Variants in SLC24A2 observed in about 807,000 individuals in gnomAD.
The protein encoded by SLC24A2 is solute carrier family 24 member 2.
A neutral mutation model predicts 62.0 loss-of-function variants in SLC24A2; 36 were observed. That is an observed-to-expected ratio of 0.58 (90% confidence interval 0.44 to 0.77). The LOEUF is 0.77. SLC24A2 is among the 30% of genes least tolerant of loss of function. The pLI, the probability that SLC24A2 is intolerant of heterozygous loss-of-function variation, is 0.00. For synonymous variants in SLC24A2, 358 were observed against 294.0 expected (o/e 1.22, Z -2.23); for missense variants, 846 against 817.9 (o/e 1.03, Z -0.42).
At chr9:20,136,139 A>G in the SLC24A2 span, among the ~76,000 whole-genome samples, 2 of 152,200 alleles carry the variant, frequency 1.3e-5, no homozygotes, top group East Asian at 1.9e-4. Context: ...AGGCAACTCA[A>G]TAACGCTGGT....
At chr9:20,244,317 A>G in the SLC24A2 span, among the ~76,000 whole-genome samples, 1 of 152,248 alleles carries the variant, frequency 6.6e-6, no homozygotes, top group African/African-American at 2.4e-5. Flanking sequence ...CAAGTGAAAA[A>G]TAAGATGCTC....
the SLC24A2 span, among the ~76,000 whole-genome samples, chr9:20,133,624 C>T: frequency 1.3e-5 from 2 of 152,140 alleles, no homozygotes; most frequent in South Asian, 4.1e-4. Flanking sequence ...TTATTCTAAT[C>T]TATCTTCTGA....
the SLC24A2 span, among the ~76,000 whole-genome samples, chr9:20,078,537 T>C: frequency 1.3e-5 from 2 of 152,086 alleles, no homozygotes; most frequent in African/African-American, 2.4e-5. Flanking sequence ...AAACCAGAAA[T>C]AGGCTTCAAT....
chr9:19,653,925 T>C (rs1021842290), intron 2 of SLC24A2, among the ~76,000 whole-genome samples: 1 of 152,184 alleles, frequency 6.6e-6, no homozygotes, highest in Non-Finnish European at 1.5e-5. Flanking sequence ...CTTTTAAAAA[T>C]TGCCTTATTA....
chr9:20,152,668 G>A, the SLC24A2 span, among the ~76,000 whole-genome samples: 1 of 151,812 alleles, frequency 6.6e-6, no homozygotes, highest in African/African-American at 2.4e-5. Context: ...GGACAGCTGT[G>A]TCCAGTTTTG....
intron 2 of SLC24A2, among the ~76,000 whole-genome samples, chr9:19,754,893 A>T (rs757685252): frequency 7.9e-5 from 12 of 152,134 alleles, no homozygotes; most frequent in Admixed American, 3.3e-4. Context: ...ACTGAGACCT[A>T]GCCTGCTCCA....
At chr9:19,609,756 G>A (rs949015542) in intron 4 of SLC24A2, among the ~76,000 whole-genome samples, 3 of 152,152 alleles carry the variant, frequency 2.0e-5, no homozygotes, top group Non-Finnish European at 4.4e-5. Context: ...ATTGGCTTTT[G>A]TGGAAGACAA....
the SLC24A2 span, among the ~76,000 whole-genome samples, chr9:19,864,820 A>T: frequency 6.6e-6 from 1 of 152,128 alleles, no homozygotes; most frequent in African/African-American, 2.4e-5. Context: ...TCAACATAGT[A>T]CTGGAAGTCC....
At chr9:19,850,995 A>ACATATG in the SLC24A2 span, among the ~76,000 whole-genome samples, 1 of 46,514 alleles carries the variant, frequency 2.1e-5, no homozygotes, top group African/African-American at 7.3e-5. Flanking sequence ...GTATATATAT[A>ACATATG]TATATACACA....
intron 2 of SLC24A2, among the ~76,000 whole-genome samples, chr9:19,720,221 AATTT>A (rs1251748506): frequency 6.6e-6 from 1 of 152,148 alleles, no homozygotes; most frequent in African/African-American, 2.4e-5. Context: ...TTAAATTTGT[AATTT>A]ATTATTATCT....
chr9:19,761,252 T>C (rs1285198893), intron 2 of SLC24A2, among the ~76,000 whole-genome samples: 5 of 152,034 alleles, frequency 3.3e-5, no homozygotes, highest in Non-Finnish European at 4.4e-5. Flanking sequence ...TCTACAATGG[T>C]TGAACTAATT....
chr9:20,290,244 G>A, the SLC24A2 span, among the ~76,000 whole-genome samples: 5 of 152,182 alleles, frequency 3.3e-5, no homozygotes, highest in African/African-American at 9.6e-5. Flanking sequence ...TAGAAAACCC[G>A]ATTTAATACT....
chr9:19,533,273 G>A (rs1215367982), intron 8 of SLC24A2, among the ~76,000 whole-genome samples: 1 of 152,168 alleles, frequency 6.6e-6, no homozygotes, highest in East Asian at 1.9e-4. Context: ...CTAAGGAGGG[G>A]CAAATATGTA....
chr9:20,275,716 G>A, the SLC24A2 span, among the ~76,000 whole-genome samples: 13,346 of 152,198 alleles, frequency 0.088, 608 homozygotes, highest in Middle Eastern at 0.12. Context: ...TGGCTATGAA[G>A]AAATGCCCAA....
chr9:19,536,748 C>CT (rs1342610323), intron 8 of SLC24A2, among the ~76,000 whole-genome samples: 61 of 27,828 alleles, frequency 2.2e-3, no homozygotes, highest in South Asian at 0.01. Flanking sequence ...AATGGTATTT[C>CT]TAGTTCTAGA....
the SLC24A2 span, among the ~76,000 whole-genome samples, chr9:19,834,637 C>T: frequency 1.3e-5 from 2 of 151,780 alleles, no homozygotes; most frequent in African/African-American, 2.4e-5. Context: ...TGGAACCAAG[C>T]TGGAAAACAT....
chr9:19,551,675 G>T (rs966136635), intron 7 of SLC24A2, among the ~76,000 whole-genome samples: 23 of 152,044 alleles, frequency 1.5e-4, no homozygotes, highest in African/African-American at 5.6e-4. Context: ...CAGTAACAGC[G>T]CCCCCCTCCA....
the SLC24A2 span, among the ~76,000 whole-genome samples, chr9:19,975,165 A>C: frequency 3.9e-5 from 6 of 152,184 alleles, no homozygotes; most frequent in Non-Finnish European, 8.8e-5. Context: ...GTCTGATTTA[A>C]AGGTCTGTGA....
rs1443890477 is a variant in SLC24A2, at chr9:19,514,964, C to T, written c.*1189G>A. On this transcript the variant is annotated 3_prime_UTR_variant, in exon 11 of 11. Coordinates refer to ENST00000341998, the MANE Select transcript of SLC24A2 (RefSeq NM_020344.4). ...AGCCCTTTATGACTACACTGGAAAA[C>T]GTTTTAAAGAACTATGCCCTTACAT... The T allele has an allele frequency of 3.3e-5, 5 of 152,102 alleles. No homozygotes were observed. Among genetic ancestry groups the T allele is most frequent in the Non-Finnish European group, 4.4e-5 (3 of 68,024 alleles). 9.4% of individuals were successfully genotyped at this position (152,102 alleles called of 1,614,324 possible). A position where few individuals can be genotyped will look rare whatever the true frequency, so the allele number is the denominator to read the frequency against.
Sources: gnomAD v4.1 joint callset for allele counts (sites outside exome capture counted in the v4.1 genomes callset) on GRCh38, gnomAD v4.1.1 for gene constraint, MANE v1.5 for transcripts, NCBI Gene and HGNC (gene_info 2026-07-23, HGNC 2026-07-21) for gene names.